SULT2B1: variants seen among roughly 807,000 people sequenced by gnomAD.
SULT2B1 encodes sulfotransferase 2B1.
A neutral mutation model predicts 33.2 loss-of-function variants in SULT2B1; 16 were observed. The observed-to-expected ratio is 0.48, with a 90% CI of 0.33 to 0.73. SULT2B1 has a LOEUF of 0.73. Ranked by LOEUF, SULT2B1 falls within the 30% of genes least tolerant of loss-of-function variation. The probability of loss-of-function intolerance (pLI) is 0.02; values close to 1 mark genes in which losing one functional copy is unlikely to be tolerated. For missense variants in SULT2B1, 500 were observed against 506.0 expected, an observed-to-expected ratio of 0.99 and a Z score of 0.11; for synonymous variants, 186 against 200.5, an observed-to-expected ratio of 0.93 and a Z score of 0.61.
intron 2 of SULT2B1, among the ~76,000 whole-genome samples, chr19:48,577,559 TTTCACCG>T (rs771456099): frequency 1.3e-5 from 2 of 151,468 alleles, no homozygotes; most frequent in Non-Finnish European, 1.5e-5. Context: ...AGAGATGAGG[TTTCACCG>T]TACTGGCCAG....
intron 2 of SULT2B1, among the ~76,000 whole-genome samples, chr19:48,576,346 ACC>A (rs1568408391): frequency 6.4e-5 from 5 of 78,582 alleles, no homozygotes; most frequent in African/African-American, 1.3e-4. Context: ...TTTCCCCTTT[ACC>A]CTCTACTTCT....
chr19:48,586,112 C>G (rs1042650497), intron 2 of SULT2B1, among the ~76,000 whole-genome samples: 3 of 152,030 alleles, frequency 2.0e-5, no homozygotes, highest in African/African-American at 7.2e-5. Flanking sequence ...GTCTCAGCTA[C>G]TCGGGAGGCT....
intron 3 of SULT2B1, among the ~76,000 whole-genome samples, chr19:48,588,886 G>C (rs1219413861): frequency 6.6e-6 from 1 of 152,168 alleles, no homozygotes; most frequent in East Asian, 1.9e-4. Flanking sequence ...TGTGGCCGGA[G>C]CCAAGTGAGC....
At chr19:48,561,620 A>G (rs750073908) in intron 1 of SULT2B1, among the ~76,000 whole-genome samples, 1 of 152,090 alleles carries the variant, frequency 6.6e-6, no homozygotes, top group Non-Finnish European at 1.5e-5. Flanking sequence ...AGCATGCGAC[A>G]TTCAGGGAAC....
rs144991389 is a variant in SULT2B1, at chr19:48,573,022, C to T, written c.72-2919C>T. Among the ~76,000 whole-genome samples the T allele has an allele frequency of 4.0e-3, 609 of 151,820 alleles. 4 individuals are homozygous for T. The highest frequency in any genetic ancestry group is 0.013 in the African/African-American group (553 of 41,378). ...AAATACAAAAATCAGTTGGGCGTGA[C>T]GACAGGCACCTGTAGTCCCAGCTAA... On this transcript the variant is annotated intron_variant, in intron 1 of 6. Coordinates refer to ENST00000201586, the MANE Select transcript of SULT2B1 (RefSeq NM_177973.2).
intron 2 of SULT2B1, among the ~76,000 whole-genome samples, chr19:48,584,685 G>A (rs576810678): frequency 1.2e-4 from 18 of 151,944 alleles, no homozygotes; most frequent in Non-Finnish European, 2.2e-4. Context: ...CAGGAGGATC[G>A]CTAGAGGCCA....
intron 1 of SULT2B1, among the ~76,000 whole-genome samples, chr19:48,571,122 G>A (rs1053642114): frequency 3.3e-5 from 5 of 152,046 alleles, no homozygotes; most frequent in African/African-American, 1.2e-4. Context: ...CTGGGCTCAA[G>A]TGATCTTCCC....
At chr19:48,565,313 C>G (rs1973230360) in intron 1 of SULT2B1, among the ~76,000 whole-genome samples, 1 of 151,802 alleles carries the variant, frequency 6.6e-6, no homozygotes, top group Admixed American at 6.6e-5. Context: ...TTATTAACTA[C>G]TTCAGTATTT....
chr19:48,595,281 TA>T (rs35536990), intron 5 of SULT2B1, among the ~76,000 whole-genome samples: 131,338 of 149,846 alleles, frequency 0.88, 57,553 homozygotes, highest in East Asian at 0.99. Context: ...AAACTCCGTC[TA>T]AAAAAAAAAA....
intron 1 of SULT2B1, among the ~76,000 whole-genome samples, chr19:48,570,428 G>A (rs899221918): frequency 4.6e-5 from 7 of 151,928 alleles, no homozygotes; most frequent in Non-Finnish European, 8.8e-5. Context: ...ATTTGCCTGC[G>A]TCAGCCTCCC....
intron 5 of SULT2B1, among the ~76,000 whole-genome samples, chr19:48,595,067 G>A (rs1973692559): frequency 6.6e-6 from 1 of 151,930 alleles, no homozygotes; most frequent in Non-Finnish European, 1.5e-5. Flanking sequence ...CAGATCACCC[G>A]AGGGTGGGAG....
intron 1 of SULT2B1, among the ~76,000 whole-genome samples, chr19:48,560,758 C>T (rs1411145545): frequency 6.6e-6 from 1 of 151,596 alleles, no homozygotes; most frequent in Non-Finnish European, 1.5e-5. Flanking sequence ...GTCAGGAGTT[C>T]GAGACCAGCC....
chr19:48,565,916 T>TG, intron 1 of SULT2B1, among the ~76,000 whole-genome samples: 1 of 91,200 alleles, frequency 1.1e-5, no homozygotes, highest in Non-Finnish European at 2.2e-5. Context: ...CACACCAGGC[T>TG]ATTTTTTTTT....
At chr19:48,596,499 A>G in intron 5 of SULT2B1, 2 of 356,362 alleles carry the variant, frequency 5.6e-6, no homozygotes, top group Non-Finnish European at 9.8e-6. Context: ...CCCTGCTGTG[A>G]CCTCTGCCCC....
intron 1 of SULT2B1, among the ~76,000 whole-genome samples, chr19:48,574,132 G>A (rs1366376301): frequency 1.3e-5 from 2 of 152,188 alleles, no homozygotes; most frequent in Non-Finnish European, 2.9e-5. Context: ...AAAGTGCTGG[G>A]ACTACAGGTG....
Position 48,599,396 on chromosome 19 carries a change from G to T in SULT2B1, c.1088G>T (p.Arg363Leu), listed in dbSNP as rs954197941. Reference sequence around the variant, plus strand: ...CAGGCCTCTGAGACCCCGCACCCACGACCCTCATAATAAACACGTCGATTC... The same window carrying T: ...CAGGCCTCTGAGACCCCGCACCCACTACCCTCATAATAAACACGTCGATTC... ...PGQASETPHP[R>L]PS Residue 363 changes from arginine to leucine, a missense_variant, in exon 7 of 7, where the codon CGA (arginine) becomes CTA (leucine). Transcript: ENST00000201586. The surrounding 1 kb of genome is among the most constrained non-coding windows in gnomAD (Gnocchi z 4.1). 6.4e-7 allele frequency: 1 copy of T among 1,553,344 alleles called. No homozygotes were observed. The highest frequency in any genetic ancestry group is 2.4e-5 in the East Asian group (1 of 41,266).
chr19:48,569,849 A>G (rs187131993), intron 1 of SULT2B1, among the ~76,000 whole-genome samples: 10 of 152,046 alleles, frequency 6.6e-5, no homozygotes, highest in Admixed American at 5.9e-4. Flanking sequence ...TATTTTTAGT[A>G]GAGATGGGGT....
At chr19:48,595,441 G>A (rs1041034233) in intron 5 of SULT2B1, among the ~76,000 whole-genome samples, 3 of 152,040 alleles carry the variant, frequency 2.0e-5, no homozygotes, top group Admixed American at 1.3e-4. Context: ...TGGTGGGATC[G>A]GCACAAATGT....
intron 2 of SULT2B1, among the ~76,000 whole-genome samples, chr19:48,584,350 T>C (rs1346453485): frequency 1.3e-5 from 2 of 152,124 alleles, no homozygotes; most frequent in South Asian, 4.1e-4. Flanking sequence ...GGGGTAAACG[T>C]CACTGCGTGT....
Sources: gnomAD v4.1 joint callset for allele counts (sites outside exome capture counted in the v4.1 genomes callset) on GRCh38, gnomAD v4.1.1 for gene constraint, Gnocchi (gnomAD v3.1) non-coding constraint, MANE v1.5 for transcripts, NCBI Gene and HGNC (gene_info 2026-07-23, HGNC 2026-07-21) for gene names.